The following GABBR2 variants were observed in gnomAD, a reference collection of about 807,000 sequenced individuals.
GABBR2 encodes the protein G-protein coupled receptor 51.
In GABBR2, 23 loss-of-function variants were observed where a neutral mutation model predicts 105.6. That is an observed-to-expected ratio of 0.22 (90% confidence interval 0.16 to 0.31). The LOEUF (loss-of-function observed/expected upper bound fraction) is 0.31. GABBR2 is among the 10% of genes least tolerant of loss of function. GABBR2 has a pLI of 1.00. For missense variants in GABBR2, 734 were observed against 1,245.5 expected (o/e 0.59, Z 6.18); for synonymous variants, 478 against 499.7 (o/e 0.96, Z 0.58).
intron 1 of GABBR2, among the ~76,000 whole-genome samples, chr9:98,657,813 T>C (rs974446322): frequency 6.6e-6 from 1 of 152,186 alleles, no homozygotes; most frequent in Non-Finnish European, 1.5e-5. Context: ...ATCTGATGGG[T>C]TTTTAAGTGT....
intron 1 of GABBR2, among the ~76,000 whole-genome samples, chr9:98,621,844 A>C (rs1449349575): frequency 6.6e-6 from 1 of 152,232 alleles, no homozygotes; most frequent in Non-Finnish European, 1.5e-5. Context: ...AGCCTCATGC[A>C]GAAGGAATGG....
intron 1 of GABBR2, among the ~76,000 whole-genome samples, chr9:98,688,223 A>G (rs1830643677): frequency 6.6e-6 from 1 of 152,168 alleles, no homozygotes; most frequent in African/African-American, 2.4e-5. Flanking sequence ...TGAAAAAAGA[A>G]TCTTGGAATC....
intron 7 of GABBR2, among the ~76,000 whole-genome samples, chr9:98,440,596 C>T (rs558193034): frequency 6.6e-6 from 1 of 152,152 alleles, no homozygotes; most frequent in Non-Finnish European, 1.5e-5. Context: ...TTCTAGGAAG[C>T]CTGAATCCCA....
At chr9:98,363,058 G>A (rs1336504878) in intron 12 of GABBR2, among the ~76,000 whole-genome samples, 4 of 152,126 alleles carry the variant, frequency 2.6e-5, no homozygotes, top group Non-Finnish European at 2.9e-5. Flanking sequence ...ACACATATGT[G>A]CATTTTGTTG....
intron 13 of GABBR2, among the ~76,000 whole-genome samples, chr9:98,357,560 A>G (rs1045922239): frequency 1.8e-4 from 28 of 152,000 alleles, no homozygotes; most frequent in African/African-American, 6.8e-4. Flanking sequence ...AGGCTGGGGG[A>G]TCACCTGAGC....
chr9:98,708,623 C>T lies in GABBR2; in HGVS notation c.115G>A (p.Ala39Thr), dbSNP rs1459920141. Reference sequence around the variant, plus strand: ...GGGGCGCCCCGCGCCCAGCCCCAGGCCCCGGGCGCCAGAGGCAGCAGCAGC... The same window carrying T: ...GGGGCGCCCCGCGCCCAGCCCCAGGTCCCGGGCGCCAGAGGCAGCAGCAGC... ...LPLLLPLAPG[A>T]WGWARGAPRP... is the part of the protein sequence containing the mutation. The change falls in exon 1 of 19, where the codon GCC (alanine) becomes ACC (threonine). Residue 39 changes from alanine to threonine, a missense_variant. Around this residue, in one of 7 missense-constraint regions of GABBR2, gnomAD observed 70 missense variants for 73.4 expected, o/e 0.95. Transcript: ENST00000259455. 3.1e-6 allele frequency: 4 copies of T among 1,285,822 alleles called. No homozygotes were observed. The highest frequency in any genetic ancestry group is 3.9e-6 in the Non-Finnish European group (4 of 1,021,648). 79.7% of individuals were successfully genotyped at this position (1,285,822 alleles called of 1,614,324 possible). A position where few individuals can be genotyped will look rare whatever the true frequency, so the allele number is the denominator to read the frequency against.
At chr9:98,387,175 T>C (rs1288126688) in intron 10 of GABBR2, among the ~76,000 whole-genome samples, 2 of 152,130 alleles carry the variant, frequency 1.3e-5, no homozygotes, top group African/African-American at 2.4e-5. Context: ...TTGGGAACCA[T>C]AGCAATATTT....
At chr9:98,585,116 T>G (rs17778857) in intron 1 of GABBR2, among the ~76,000 whole-genome samples, 18,971 of 152,182 alleles carry the variant, frequency 0.12, 1,517 homozygotes, top group Admixed American at 0.22. Context: ...ACAGATTTTT[T>G]GGGCATGTAG....
At chr9:98,372,751 G>A (rs369925333) in intron 11 of GABBR2, among the ~76,000 whole-genome samples, 14 of 152,198 alleles carry the variant, frequency 9.2e-5, no homozygotes, top group African/African-American at 1.7e-4. Context: ...CTGCCTTTCC[G>A]GCAACTTGAC....
chr9:98,427,442 A>G (rs1218645856), intron 7 of GABBR2, among the ~76,000 whole-genome samples: 1 of 152,078 alleles, frequency 6.6e-6, no homozygotes, highest in Non-Finnish European at 1.5e-5. Flanking sequence ...GTGCACATTT[A>G]TTTTTCTTGC....
chr9:98,578,904 T>C (rs768664179), intron 1 of GABBR2, among the ~76,000 whole-genome samples: 4 of 152,042 alleles, frequency 2.6e-5, no homozygotes, highest in African/African-American at 9.7e-5. Flanking sequence ...TTATCTACAG[T>C]AGTTAAATTC....
chr9:98,424,809 A>C (rs1055037013), intron 7 of GABBR2, among the ~76,000 whole-genome samples: 2 of 152,204 alleles, frequency 1.3e-5, no homozygotes, highest in Non-Finnish European at 2.9e-5. Flanking sequence ...CGAACTACAA[A>C]CCACTGCTCA....
intron 1 of GABBR2, among the ~76,000 whole-genome samples, chr9:98,637,291 C>T (rs572346598): frequency 5.3e-5 from 8 of 152,276 alleles, no homozygotes; most frequent in African/African-American, 1.2e-4. Flanking sequence ...ACTTTGGGAA[C>T]CTTTAACATC....
At chr9:98,613,352 A>G (rs116350391) in intron 1 of GABBR2, among the ~76,000 whole-genome samples, 1,843 of 152,252 alleles carry the variant, frequency 0.012, 42 homozygotes, top group African/African-American at 0.043. Context: ...AGGCACAAGA[A>G]TCGCGTGAGC....
chr9:98,584,034 T>C (rs546672655), intron 1 of GABBR2, among the ~76,000 whole-genome samples: 1 of 152,344 alleles, frequency 6.6e-6, no homozygotes, highest in African/African-American at 2.4e-5. Context: ...GTTGTCTTTC[T>C]GTGATTTGGT....
At chr9:98,412,301 G>C (rs959457262) in intron 7 of GABBR2, among the ~76,000 whole-genome samples, 5 of 152,228 alleles carry the variant, frequency 3.3e-5, no homozygotes, top group African/African-American at 1.2e-4. Flanking sequence ...CCTACTGAGG[G>C]ACAGTCTCTG....
intron 7 of GABBR2, among the ~76,000 whole-genome samples, chr9:98,436,558 T>G (rs1825931040): frequency 6.7e-6 from 1 of 149,852 alleles, no homozygotes; most frequent in Admixed American, 6.7e-5. Context: ...ACACAAAGAT[T>G]AGAGACTTGC....
At position 98,311,085 on chromosome 9, in the gene GABBR2, C is replaced by T. The variant is rs1489727608; in HGVS notation, c.2004+10G>A. ...TCCCCCCTCAACACTGTCTCCTGCT[C>T]TGCACCTACCATGAGAAGTCCCTTG... On this transcript the variant is annotated intron_variant, in intron 14 of 18. Transcript: ENST00000259455. 1 of 1,470,826 alleles carries T rather than the reference C, an allele frequency of 6.8e-7. No homozygotes were observed. Among genetic ancestry groups the T allele is most frequent in the African/African-American group, 1.4e-5 (1 of 72,212 alleles). The allele number at this position is 1,470,826 out of a possible 1,614,324, so 91.1% of individuals were successfully genotyped here. A position where few individuals can be genotyped will look rare whatever the true frequency, so the allele number is the denominator to read the frequency against.
At chr9:98,683,783 G>A (rs1489680555) in intron 1 of GABBR2, among the ~76,000 whole-genome samples, 2 of 151,986 alleles carry the variant, frequency 1.3e-5, no homozygotes, top group Non-Finnish European at 1.5e-5. Context: ...GCCGAGATGG[G>A]CAGATCACAA....
Sources: gnomAD v4.1 joint callset for allele counts (sites outside exome capture counted in the v4.1 genomes callset) on GRCh38, gnomAD v4.1.1 for gene constraint, gnomAD v4.1.1 regional missense constraint, MANE v1.5 for transcripts, NCBI Gene and HGNC (gene_info 2026-07-23, HGNC 2026-07-21) for gene names.